The following APBB1IP variants were observed in gnomAD, a reference collection of about 807,000 sequenced individuals.
APBB1IP encodes the protein amyloid beta A4 precursor protein-binding family B member 1-interacting protein.
In APBB1IP, 27 loss-of-function variants were observed where a neutral mutation model predicts 64.9. The ratio of observed to expected loss-of-function variants is 0.42; its 90% CI spans 0.31 to 0.57. The LOEUF is 0.57. APBB1IP is among the 20% of genes least tolerant of loss of function. The pLI is 0.20. For missense variants in APBB1IP, 812 were observed against 845.5 expected, an observed-to-expected ratio of 0.96 and a Z score of 0.49; for synonymous variants, 392 against 331.0, an observed-to-expected ratio of 1.18 and a Z score of -2.00.
At chr10:26,544,748 T>C (rs941050064) in intron 11 of APBB1IP, among the ~76,000 whole-genome samples, 2 of 152,210 alleles carry the variant, frequency 1.3e-5, no homozygotes, top group Non-Finnish European at 2.9e-5. Flanking sequence ...AGTTTGGGAC[T>C]AGGACCTACA....
chr10:26,550,085 T>C (rs1171123976), intron 11 of APBB1IP, among the ~76,000 whole-genome samples: 1 of 152,082 alleles, frequency 6.6e-6, no homozygotes, highest in African/African-American at 2.4e-5. Flanking sequence ...TCCCACTCTT[T>C]CTTGGCCTGC....
At chr10:26,490,827 T>TAAAA (rs1835946200) in intron 2 of APBB1IP, among the ~76,000 whole-genome samples, 1 of 152,202 alleles carries the variant, frequency 6.6e-6, no homozygotes, top group Non-Finnish European at 1.5e-5. Context: ...ATTTTTAATT[T>TAAAA]CCATATAAAA....
At position 26,503,223 on chromosome 10, in the gene APBB1IP, T is replaced by A. The variant is rs1836128677; in HGVS notation, c.480T>A (p.Ala160=). 6.2e-7 allele frequency: 1 copy of A among 1,614,102 alleles called. No individual in the cohort carries two copies. The highest frequency in any genetic ancestry group is 8.5e-7 in the Non-Finnish European group (1 of 1,180,010). ...AAGAGGAAGAAGCCCAAGCCAAGGC[T>A]GATAAAATTAAGCTGGCGCTGGAAA... The part of the protein sequence containing the change: ...SQEEEEAQAK[A]DKIKLALEKL... The change falls in exon 6 of 15, where the codon GCT becomes GCA. Residue 160 remains alanine (A), a synonymous_variant. Coordinates refer to ENST00000376236, the MANE Select transcript of APBB1IP (RefSeq NM_019043.4).
At chr10:26,485,088 A>G (rs571291445) in intron 2 of APBB1IP, among the ~76,000 whole-genome samples, 15 of 152,318 alleles carry the variant, frequency 9.8e-5, no homozygotes, top group African/African-American at 3.6e-4. Context: ...GCCTAAATAG[A>G]TGTGAGCCCC....
rs560707997 is a variant in APBB1IP at position 26,553,978 on chromosome 10, G to A, written c.1156-6127G>A. 4.6e-5 allele frequency among the ~76,000 whole-genome samples: 7 copies of A among 152,118 alleles called. No individual in the cohort carries two copies. The South Asian group carries it at 1.5e-3, about 32-fold the overall frequency. On this transcript the variant is annotated intron_variant, in intron 11 of 14. Transcript: ENST00000376236. ...AAATTCAGTTCTCACCAGACTCCCC[G>A]TGCTCTCGCTGAGATCACATTCACA... is the stretch of plus-strand genomic sequence containing the variant.
At chr10:26,476,887 G>A (rs180760984) in intron 2 of APBB1IP, among the ~76,000 whole-genome samples, 31 of 152,080 alleles carry the variant, frequency 2.0e-4, no homozygotes, top group African/African-American at 6.0e-4. Context: ...TACAATCTCC[G>A]CCTCCCAGGT....
chr10:26,456,365 TAGC>T (rs1286759760), intron 2 of APBB1IP, among the ~76,000 whole-genome samples: 3 of 152,108 alleles, frequency 2.0e-5, no homozygotes, highest in African/African-American at 4.8e-5. Context: ...ATAGCAGTGA[TAGC>T]AGCGGAGTAG....
Position 26,486,690 on chromosome 10 carries a change from T to C in APBB1IP, c.1-5637T>C, listed in dbSNP as rs960274028. 2.0e-5 allele frequency among the ~76,000 whole-genome samples: 3 copies of C among 152,126 alleles called. No homozygotes were observed. The East Asian group carries it at 5.8e-4, about 29-fold the overall frequency. ...ATCCCAAACTGCATGCAAACTGAGT[T>C]AAATGTGTGAGATTAACTCTGCCGT... On this transcript the variant is annotated intron_variant, in intron 2 of 14. Transcript: ENST00000376236.
chr10:26,492,937 C>T (rs1564359869), intron 3 of APBB1IP, among the ~76,000 whole-genome samples: 1 of 152,156 alleles, frequency 6.6e-6, no homozygotes, highest in African/African-American at 2.4e-5. Context: ...ATCCTAGCAA[C>T]CCTGGGGGCG....
chr10:26,486,412 G>A (rs1296129237), intron 2 of APBB1IP, among the ~76,000 whole-genome samples: 1 of 152,168 alleles, frequency 6.6e-6, no homozygotes, highest in East Asian at 1.9e-4. Context: ...ATGGAAAAAT[G>A]GGAGGAGTAA....
chr10:26,508,934 A>G (rs1836218483), intron 6 of APBB1IP, among the ~76,000 whole-genome samples: 1 of 152,212 alleles, frequency 6.6e-6, no homozygotes, highest in Non-Finnish European at 1.5e-5. Context: ...TATTTTCTTA[A>G]GAATTCCTAA....
At chr10:26,542,233 T>A (rs1227508112) in intron 11 of APBB1IP, among the ~76,000 whole-genome samples, 1 of 152,202 alleles carries the variant, frequency 6.6e-6, no homozygotes, top group African/African-American at 2.4e-5. Flanking sequence ...CATAGCCCAC[T>A]GCAGCCTCAG....
chr10:26,499,792 T>G (rs1346861785), intron 4 of APBB1IP, among the ~76,000 whole-genome samples: 1 of 152,178 alleles, frequency 6.6e-6, no homozygotes, highest in East Asian at 1.9e-4. Context: ...CTCTGAAAAT[T>G]TATGTCTTTC....
intron 2 of APBB1IP, among the ~76,000 whole-genome samples, chr10:26,445,165 AAAGAAAGAAAGAAAGAAAGAAAG>A (rs1477641370): frequency 6.6e-6 from 1 of 151,030 alleles, no homozygotes; most frequent in Non-Finnish European, 1.5e-5. Context: ...AGAAAGAAAG[AAAGAAAGAAAGAAAGAAAGAAAG>A]AAAGAAAAGG....
intron 9 of APBB1IP, among the ~76,000 whole-genome samples, chr10:26,534,518 G>A (rs553621146): frequency 6.4e-4 from 98 of 152,202 alleles, no homozygotes; most frequent in African/African-American, 2.2e-3. Context: ...CTCGGCATCC[G>A]GTTCCCACCT....
intron 8 of APBB1IP, among the ~76,000 whole-genome samples, chr10:26,520,623 T>G (rs1023406766): frequency 3.9e-5 from 6 of 152,138 alleles, no homozygotes; most frequent in African/African-American, 1.4e-4. Context: ...TCAGAGACAT[T>G]AGTGATATGC....
intron 8 of APBB1IP, among the ~76,000 whole-genome samples, chr10:26,529,001 C>G (rs757272515): frequency 2.6e-4 from 40 of 152,208 alleles, no homozygotes; most frequent in Non-Finnish European, 4.3e-4. Flanking sequence ...TCTTCACGAA[C>G]TGATAACTGT....
At chr10:26,473,638 G>A (rs1306422088) in intron 2 of APBB1IP, among the ~76,000 whole-genome samples, 5 of 152,306 alleles carry the variant, frequency 3.3e-5, no homozygotes, top group South Asian at 2.1e-4. Flanking sequence ...GGTGACCCCC[G>A]TTGGTGGTAG....
rs1554778195 is a variant in APBB1IP at position 26,524,974 on chromosome 10, T to TTA, written c.814-8465_814-8464insTA. Among the ~76,000 whole-genome samples the TTA allele has an allele frequency of 1.0e-3, 132 of 126,756 alleles. 5 individuals carry two copies. Among genetic ancestry groups the TTA allele is most frequent in the Middle Eastern group, 3.8e-3 (1 of 262 alleles). The allele number at this position is 126,756 out of a possible 152,430, so 83.2% of individuals were successfully genotyped here. The stretch of plus-strand genomic sequence containing the variant: ...TTCTTTCTTTTTTTTTTTTTTTTTT[T>TTA]ATAAAAAAAGGAATCCTGGCAAGAG... On this transcript the variant is annotated intron_variant, in intron 8 of 14. Coordinates refer to ENST00000376236, the MANE Select transcript of APBB1IP (RefSeq NM_019043.4).
Sources: gnomAD v4.1 joint callset for allele counts (sites outside exome capture counted in the v4.1 genomes callset) on GRCh38, gnomAD v4.1.1 for gene constraint, MANE v1.5 for transcripts, NCBI Gene and HGNC (gene_info 2026-07-23, HGNC 2026-07-21) for gene names.